ACTN4: variants seen among roughly 807,000 people sequenced by gnomAD.
The protein encoded by ACTN4 is alpha-actinin-4.
In ACTN4, 18 loss-of-function variants were observed where a neutral mutation model predicts 114.2. The ratio of observed to expected loss-of-function variants is 0.16; its 90% confidence interval spans 0.11 to 0.23. The LOEUF (loss-of-function observed/expected upper bound fraction) is 0.23. Ranked by LOEUF, ACTN4 falls within the 10% of genes least tolerant of loss-of-function variation. ACTN4 has a pLI of 1.00. For missense variants in ACTN4, 722 were observed against 1,262.9 expected (o/e 0.57, Z 6.49); for synonymous variants, 515 against 506.3 (o/e 1.02, Z -0.23).
intron 1 of ACTN4, chr19:38,648,118 C>T: frequency 1.9e-6 from 1 of 522,972 alleles, no homozygotes; most frequent in Non-Finnish European, 3.1e-6. Context: ...GAATTGGCGG[C>T]TGGGTGGGGA....
In ACTN4 at chr19:38,730,870, CTCCA is replaced by C; in HGVS notation, c.*1443_*1446del. The stretch of plus-strand genomic sequence containing the variant: ...GGAGATCCTAGGAGAAGGTGGCCAC[CTCCA>C]TCCACTAAGGAAGAGAAGGAAGACA... On this transcript the variant is annotated 3_prime_UTR_variant, in exon 21 of 21. Coordinates refer to ENST00000252699, the MANE Select transcript of ACTN4 (RefSeq NM_004924.6). 1.3e-6 allele frequency: 2 copies of C among 1,551,556 alleles called. No individual in the cohort carries two copies. The highest frequency in any genetic ancestry group is 1.7e-6 in the Non-Finnish European group (2 of 1,147,480).
At chr19:38,693,868 G>A (rs1384225430) in intron 1 of ACTN4, among the ~76,000 whole-genome samples, 1 of 152,204 alleles carries the variant, frequency 6.6e-6, no homozygotes, top group Non-Finnish European at 1.5e-5. Context: ...ATGGGCCTTG[G>A]CACACGGAGG....
rs777949042 is a variant in ACTN4 at position 38,717,520 on chromosome 19, C to T, written c.1143+204C>T. The stretch of plus-strand genomic sequence containing the variant: ...TTTGGCCCTCACTCACTGTATTTTA[C>T]ACCCAGGGTTTTATACGCATCCCAA... On this transcript the variant is annotated intron_variant, in intron 10 of 20. Transcript: ENST00000252699. The surrounding 1 kb of genome is among the most constrained non-coding windows in gnomAD (Gnocchi z 4.0). 5.3e-5 allele frequency among the ~76,000 whole-genome samples: 8 copies of T among 152,306 alleles called. No individual in the cohort carries two copies. In the East Asian group the frequency reaches 7.7e-4, roughly 15 times the overall value.
chr19:38,700,407 C>G (rs151235733), intron 1 of ACTN4, among the ~76,000 whole-genome samples, 193 bp from the exon 2 acceptor site: 1 of 152,316 alleles, frequency 6.6e-6, no homozygotes, highest in East Asian at 1.9e-4. Context: ...CCTCAGTTTC[C>G]TCACATCTGC....
intron 1 of ACTN4, among the ~76,000 whole-genome samples, chr19:38,696,259 A>G (rs796802226): frequency 5.3e-5 from 8 of 152,162 alleles, no homozygotes; most frequent in African/African-American, 1.9e-4. Context: ...ACTGTTATGG[A>G]TTCAGCACAG....
chr19:38,692,062 G>T (rs536990691), intron 1 of ACTN4, among the ~76,000 whole-genome samples: 3 of 152,158 alleles, frequency 2.0e-5, no homozygotes, highest in Non-Finnish European at 2.9e-5. Context: ...TGGAATGCTC[G>T]CTACCCCACT....
rs879242712 is a variant in ACTN4 at position 38,729,271 on chromosome 19, C to T, written c.2578-3C>T. On this transcript the variant is annotated splice_polypyrimidine_tract_variant and splice_region_variant and intron_variant, in intron 20 of 20. Transcript: ENST00000252699. ...GCTCAGAGTCCCATCCTGCCTGCCC[C>T]AGAACTTCATCACAGCTGAGGAGCT... 6.2e-7 allele frequency: 1 copy of T among 1,612,768 alleles called. No homozygotes were observed. Among genetic ancestry groups the T allele is most frequent in the Admixed American group, 1.7e-5 (1 of 60,010 alleles).
In ACTN4 at chr19:38,659,068, T is replaced by TC. The variant is rs35584103; in HGVS notation, c.162+11161_162+11162insC. ...CTTTTTTTTCTTCTTTTCTTTTCTT[T>TC]TTTTTTTTTTGAGACGGAGTCTTAC... On this transcript the variant is annotated intron_variant, in intron 1 of 20. Coordinates refer to ENST00000252699, the MANE Select transcript of ACTN4 (RefSeq NM_004924.6). 7.9e-4 allele frequency among the ~76,000 whole-genome samples: 111 copies of TC among 140,298 alleles called. 3 individuals are homozygous for TC. The highest frequency in any genetic ancestry group is 2.6e-3 in the African/African-American group (102 of 38,762). The allele number at this position is 140,298 out of a possible 152,430, so 92.0% of individuals were successfully genotyped here. A position where few individuals can be genotyped will look rare whatever the true frequency, so the allele number is the denominator to read the frequency against.
Position 38,723,959 on chromosome 19 carries a change from C to T in ACTN4, c.1574C>T (p.Ala525Val). 1 of 1,613,476 alleles carries T rather than the reference C, an allele frequency of 6.2e-7. No individual in the cohort carries two copies. Among genetic ancestry groups the T allele is most frequent in the Non-Finnish European group, 8.5e-7 (1 of 1,179,986 alleles). ...TAGAAAACAGAGAAGCAGCTGGAGG[C>T]CATCGACCAGCTGCACCTGGAATAC... ...ALEKTEKQLE[A>V]IDQLHLEYAK... Residue 525 changes from alanine to valine, a missense_variant, in exon 14 of 21, where the codon GCC (alanine) becomes GTC (valine). By Grantham distance (64) the Ala-to-Val change is moderately conservative. This residue lies in a region of ACTN4 where 523 missense variants were observed against 875.9 expected (regional missense o/e 0.60). Coordinates refer to ENST00000252699, the MANE Select transcript of ACTN4 (RefSeq NM_004924.6).
chr19:38,652,808 G>A (rs928694836), intron 1 of ACTN4, among the ~76,000 whole-genome samples: 1 of 152,190 alleles, frequency 6.6e-6, no homozygotes, highest in Non-Finnish European at 1.5e-5. Context: ...TCTTATGGCC[G>A]GGCGCAGTGG....
intron 1 of ACTN4, among the ~76,000 whole-genome samples, chr19:38,669,118 C>G (rs1197662396): frequency 6.6e-6 from 1 of 152,146 alleles, no homozygotes; most frequent in East Asian, 1.9e-4. Flanking sequence ...TCCCAACTAG[C>G]TGGGATTACA....
intron 1 of ACTN4, among the ~76,000 whole-genome samples, chr19:38,659,916 A>G (rs77354051): frequency 1.5e-5 from 2 of 134,148 alleles, no homozygotes; most frequent in African/African-American, 5.3e-5. Flanking sequence ...TTATTTCTAT[A>G]TGATCTTTTT....
chr19:38,692,910 G>A (rs913693824), intron 1 of ACTN4, among the ~76,000 whole-genome samples: 2 of 152,088 alleles, frequency 1.3e-5, no homozygotes, highest in East Asian at 1.9e-4. Context: ...ATGCCCCAGC[G>A]GAGCGACAAA....
chr19:38,711,206 G>T, intron 8 of ACTN4: 1 of 819,390 alleles, frequency 1.2e-6, no homozygotes, highest in Non-Finnish European at 1.5e-6. Context: ...CCTCAGGCCG[G>T]CCCGGCCGCC....
At chr19:38,656,407 C>T (rs1976713588) in intron 1 of ACTN4, among the ~76,000 whole-genome samples, 1 of 152,174 alleles carries the variant, frequency 6.6e-6, no homozygotes, top group Admixed American at 6.6e-5. Context: ...CTCCAGTTTT[C>T]TTCTTAGAGT....
Position 38,673,517 on chromosome 19 carries a change from T to TTA in ACTN4, c.162+25618_162+25619dup, listed in dbSNP as rs1302416290. Among the ~76,000 whole-genome samples the TTA allele has an allele frequency of 4.4e-4, 35 of 80,390 alleles. 2 individuals carry two copies. The highest frequency in any genetic ancestry group is 1.9e-3 in the East Asian group (5 of 2,632). The allele number at this position is 80,390 out of a possible 152,430, so 52.7% of individuals were successfully genotyped here. On this transcript the variant is annotated intron_variant, in intron 1 of 20. Transcript: ENST00000252699. Reference sequence around the variant, plus strand: ...TATATTTATATATATGAATATATATTTATATATATTCATATATACTTATAT... The same window carrying TTA: ...TATATTTATATATATGAATATATATTTATATATATATTCATATATACTTATAT...
At chr19:38,709,555 C>T (rs545141808) in intron 7 of ACTN4, 79 bp downstream of exon 7, 121 of 1,273,864 alleles carry the variant, frequency 9.5e-5, no homozygotes, top group Non-Finnish European at 1.4e-4. Context: ...GGGCAAGGGG[C>T]TGTGGGCACA....
In ACTN4 at chr19:38,729,017, A is replaced by G; in HGVS notation, c.2440A>G (p.Ile814Val). 1 of 1,613,376 alleles carries G rather than the reference A, an allele frequency of 6.2e-7. No individual in the cohort carries two copies. Among genetic ancestry groups the G allele is most frequent in the Non-Finnish European group, 8.5e-7 (1 of 1,180,002 alleles). Residue 814 changes from isoleucine to valine, a missense_variant, in exon 20 of 21, where the codon ATC (isoleucine) becomes GTC (valine). This residue lies in a region of ACTN4 where 523 missense variants were observed against 875.9 expected (regional missense o/e 0.60). Transcript: ENST00000252699. ...GCAGGGTGAGGCCGAGTTCAACCGC[A>G]TCATGAGCCTGGTCGACCCCAACCA... ...DRQGEAEFNRIMSLVDPNHSG... is the reference protein window; with the variant it reads ...DRQGEAEFNRVMSLVDPNHSG...
intron 11 of ACTN4, among the ~76,000 whole-genome samples, chr19:38,720,049 C>T (rs1181250419): frequency 6.6e-6 from 1 of 152,242 alleles, no homozygotes; most frequent in Non-Finnish European, 1.5e-5. Flanking sequence ...ATTCCCAAGA[C>T]TCAGAGCCTC....
Sources: allele counts gnomAD v4.1 joint callset (sites outside exome capture counted in the v4.1 genomes callset), GRCh38; gene constraint gnomAD v4.1.1; regional missense constraint gnomAD v4.1.1; non-coding constraint Gnocchi (gnomAD v3.1); transcripts MANE v1.5; gene names NCBI Gene and HGNC (gene_info 2026-07-23, HGNC 2026-07-21).